NEUROG1: variants seen among roughly 807,000 people sequenced by gnomAD.
NEUROG1 encodes neurogenin 1.
A neutral mutation model predicts 5.7 loss-of-function variants in NEUROG1; 5 were observed. The ratio of observed to expected loss-of-function variants is 0.88; its 90% CI spans 0.46 to 1.85. NEUROG1 has a LOEUF of 1.85. Ranked by LOEUF, NEUROG1 falls within the 40% of genes most tolerant of loss-of-function variation. The probability of loss-of-function intolerance (pLI) is 0.01; values close to 1 mark genes in which losing one functional copy is unlikely to be tolerated. For missense variants in NEUROG1, 403 were observed against 345.7 expected, an observed-to-expected ratio of 1.17 and a Z score of -1.32; for synonymous variants, 196 against 157.4, an observed-to-expected ratio of 1.25 and a Z score of -1.84.
Position 135,534,746 on chromosome 5 carries a change from G to T in NEUROG1, c.*231C>A, listed in dbSNP as rs1750495412. On this transcript the variant is annotated 3_prime_UTR_variant, in exon 1 of 1. Transcript: ENST00000314744. ...GGAGTTCAGAAAGTGCAAAAGGAAA[G>T]GCCGTCTAGGGGCGGGCAGGAGGGG... 9.1e-6 allele frequency: 5 copies of T among 549,502 alleles called. No homozygotes were observed. The highest frequency in any genetic ancestry group is 4.8e-5 in the South Asian group (2 of 41,506). The allele number at this position is 549,502 out of a possible 1,614,324, so 34.0% of individuals were successfully genotyped here.
Position 135,535,660 on chromosome 5 carries a change from C to T in NEUROG1, c.31G>A (p.Asp11Asn), listed in dbSNP as rs1319350880. MPARLETCIS[D>N]LDCASSSGSD... ...CCGCTGCTGCTGGCGCAGTCGAGGT[C>T]GGAGATGCAGGTCTCAAGGCGGGCT... Residue 11 changes from aspartate to asparagine, a missense_variant, in exon 1 of 1, where the codon GAC (aspartate) becomes AAC (asparagine). Coordinates refer to ENST00000314744, the MANE Select transcript of NEUROG1 (RefSeq NM_006161.3). 1 of 1,578,032 alleles carries T rather than the reference C, an allele frequency of 6.3e-7. No homozygotes were observed. The highest frequency in any genetic ancestry group is 1.4e-5 in the African/African-American group (1 of 71,800).
At position 135,534,991 on chromosome 5, in the gene NEUROG1, TG is replaced by T; in HGVS notation, c.699del (p.Phe233LeufsTer18). The stretch of plus-strand genomic sequence containing the variant: ...CTACAAAGGGCCTAGTGGTAAGGAA[TG>T]AAACAGGGCGTTGTGTGGAGCAAGT... ...PKDLLHTTPC[F>X]IPYH On this transcript the variant is annotated frameshift_variant, in exon 1 of 1. Coordinates refer to ENST00000314744, the MANE Select transcript of NEUROG1 (RefSeq NM_006161.3). LOFTEE classifies it high-confidence loss of function. 6.2e-7 allele frequency: 1 copy of T among 1,613,766 alleles called. No individual in the cohort carries two copies. The highest frequency in any genetic ancestry group is 8.5e-7 in the Non-Finnish European group (1 of 1,179,842).
Position 135,535,353 on chromosome 5 carries a change from T to A in NEUROG1, c.338A>T (p.Asp113Val). Reference protein sequence around the residue: ...NRMHNLNAALDALRSVLPSFP... With the variant: ...NRMHNLNAALVALRSVLPSFP... ...CGAGGGCAGCACGCTGCGCAGTGCG[T>A]CCAGGGCCGCGTTCAAGTTGTGCAT... Residue 113 changes from aspartate (D) to valine (V), a missense_variant, in exon 1 of 1, where the codon GAC (aspartate) becomes GTC (valine). Physicochemically the swap from Asp to Val is radical, Grantham distance 152 (BLOSUM62 -3). Coordinates refer to ENST00000314744, the MANE Select transcript of NEUROG1 (RefSeq NM_006161.3). 6.2e-7 allele frequency: 1 copy of A among 1,613,228 alleles called. No individual in the cohort carries two copies. Among genetic ancestry groups the A allele is most frequent in the Non-Finnish European group, 8.5e-7 (1 of 1,179,576 alleles).
In NEUROG1 at chr5:135,535,381, G is replaced by A; in HGVS notation, c.310C>T (p.Arg104Cys). The change falls in exon 1 of 1, where the codon CGC (arginine) becomes TGC (cysteine). Residue 104 changes from arginine (R) to cysteine (C), a missense_variant. Arg to Cys is a radical substitution (Grantham distance 180, BLOSUM62 -3). Coordinates refer to ENST00000314744, the MANE Select transcript of NEUROG1 (RefSeq NM_006161.3). Reference sequence around the variant, plus strand: ...AGGGCCGCGTTCAAGTTGTGCATGCGGTTGCGCTCGCGATCGTTGGCCTTG... The same window carrying A: ...AGGGCCGCGTTCAAGTTGTGCATGCAGTTGCGCTCGCGATCGTTGGCCTTG... ...RVKANDRERN[R>C]MHNLNAALDA... The A allele has an allele frequency of 1.2e-6, 2 of 1,611,684 alleles. No individual in the cohort carries two copies. Among genetic ancestry groups the A allele is most frequent in the Non-Finnish European group, 1.7e-6 (2 of 1,178,936 alleles).
chr5:135,535,609 C>G lies in NEUROG1; in HGVS notation c.82G>C (p.Asp28His). ...SGSDLSGFLT[D>H]EEDCARLQQA... ...TGGAGTCTGGCACAGTCTTCCTCGT[C>G]GGTGAGGAAGCCGGATAGGTCACTG... The change falls in exon 1 of 1, where the codon GAC (aspartate) becomes CAC (histidine). Residue 28 changes from aspartate (D) to histidine (H), a missense_variant. Asp to His is a moderately conservative substitution (Grantham distance 81). Coordinates refer to ENST00000314744, the MANE Select transcript of NEUROG1 (RefSeq NM_006161.3). The G allele has an allele frequency of 6.3e-7, 1 of 1,595,324 alleles. No homozygotes were observed. Among genetic ancestry groups the G allele is most frequent in the East Asian group, 2.3e-5 (1 of 43,948 alleles).
chr5:135,535,163 G>A lies in NEUROG1; in HGVS notation c.528C>T (p.Pro176=). 3.7e-6 allele frequency: 6 copies of A among 1,609,654 alleles called. No homozygotes were observed. Among genetic ancestry groups the A allele is most frequent in the Non-Finnish European group, 4.2e-6 (5 of 1,177,932 alleles). ...PPQCVPCLPG[P]PSPASDAESW... is the part of the protein sequence containing the mutation. Reference sequence around the variant, plus strand: ...ACTCCGCGTCGCTGGCGGGGCTTGGGGGACCGGGCAGGCAGGGGACGCACT... The same window carrying A: ...ACTCCGCGTCGCTGGCGGGGCTTGGAGGACCGGGCAGGCAGGGGACGCACT... Residue 176 remains proline (P), a synonymous_variant, in exon 1 of 1, where the codon CCC becomes CCT. Transcript: ENST00000314744.
In NEUROG1 at chr5:135,534,595, T is replaced by G; in HGVS notation, c.*382A>C. 5.6e-6 allele frequency: 1 copy of G among 179,022 alleles called. No individual in the cohort carries two copies. The highest frequency in any genetic ancestry group is 1.2e-5 in the Non-Finnish European group (1 of 85,766). 11.1% of individuals were successfully genotyped at this position (179,022 alleles called of 1,614,324 possible). A position where few individuals can be genotyped will look rare whatever the true frequency, so the allele number is the denominator to read the frequency against. The stretch of plus-strand genomic sequence containing the variant: ...GAATTTTCATGCTCGTTTTTCTTCA[T>G]TAGAGTTCTACAAATTGTAAAATTG... On this transcript the variant is annotated 3_prime_UTR_variant, in exon 1 of 1. Transcript: ENST00000314744.
Position 135,535,466 on chromosome 5 carries a change from G to T in NEUROG1, c.225C>A (p.Arg75=). 1 of 1,565,410 alleles carries T rather than the reference G, an allele frequency of 6.4e-7. No individual in the cohort carries two copies. The highest frequency in any genetic ancestry group is 8.6e-7 in the Non-Finnish European group (1 of 1,160,748). The part of the protein sequence containing the change: ...QDDEQERRRR[R]GRTRVRSEAL... The stretch of plus-strand genomic sequence containing the variant: ...CCTCGGAGCGGACCCGCGTCCGGCC[G>T]CGGCGCCGCCGCCTCTCCTGCTCGT... The change falls in exon 1 of 1, where the codon CGC becomes CGA. Residue 75 remains arginine (R), a synonymous_variant. Transcript: ENST00000314744.
chr5:135,534,743 A>C lies in NEUROG1; in HGVS notation c.*234T>G, dbSNP rs1403795602. ...TGTGGAGTTCAGAAAGTGCAAAAGGAAAGGCCGTCTAGGGGCGGGCAGGAG... is the reference window on the plus strand; with the variant it reads ...TGTGGAGTTCAGAAAGTGCAAAAGGCAAGGCCGTCTAGGGGCGGGCAGGAG... On this transcript the variant is annotated 3_prime_UTR_variant, in exon 1 of 1. Transcript: ENST00000314744. The C allele has an allele frequency of 1.1e-5, 6 of 546,712 alleles. No homozygotes were observed. Among genetic ancestry groups the C allele is most frequent in the African/African-American group, 2.0e-5 (1 of 50,186 alleles). The allele number at this position is 546,712 out of a possible 1,614,324, so 33.9% of individuals were successfully genotyped here.
rs771543110 is a variant in NEUROG1 at position 135,535,287 on chromosome 5, C to A, written c.404G>T (p.Arg135Leu). The A allele has an allele frequency of 3.1e-6, 5 of 1,613,576 alleles. No individual in the cohort carries two copies. Among genetic ancestry groups the A allele is most frequent in the Non-Finnish European group, 3.4e-6 (4 of 1,179,694 alleles). ...AGCCCAGATGTAGTTGTAGGCGAAG[C>A]GCAGCGTCTCGATTTTGGTGAGCTT... ...DTKLTKIETL[R>L]FAYNYIWALA... The change falls in exon 1 of 1, where the codon CGC (arginine) becomes CTC (leucine). Residue 135 changes from arginine to leucine, a missense_variant. Physicochemically the swap from Arg to Leu is moderately radical, Grantham distance 102. Transcript: ENST00000314744.
chr5:135,535,693 T>C lies in NEUROG1; in HGVS notation c.-3A>G. The stretch of plus-strand genomic sequence containing the variant: ...CAGGTCTCAAGGCGGGCTGGCATCG[T>C]TGCGCTGTGCAGGACCGACGGACAG... On this transcript the variant is annotated 5_prime_UTR_variant, in exon 1 of 1. Coordinates refer to ENST00000314744, the MANE Select transcript of NEUROG1 (RefSeq NM_006161.3). The C allele has an allele frequency of 6.4e-7, 1 of 1,552,722 alleles. No homozygotes were observed. Among genetic ancestry groups the C allele is most frequent in the African/African-American group, 1.4e-5 (1 of 70,980 alleles).
Position 135,535,612 on chromosome 5 carries a change from T to C in NEUROG1, c.79A>G (p.Thr27Ala). 1 of 1,596,016 alleles carries C rather than the reference T, an allele frequency of 6.3e-7. No homozygotes were observed. Among genetic ancestry groups the C allele is most frequent in the Non-Finnish European group, 8.5e-7 (1 of 1,176,610 alleles). Residue 27 changes from threonine to alanine, a missense_variant, in exon 1 of 1, where the codon ACC becomes GCC. Transcript: ENST00000314744. ...SSGSDLSGFLTDEEDCARLQQ... is the reference protein window; with the variant it reads ...SSGSDLSGFLADEEDCARLQQ... ...AGTCTGGCACAGTCTTCCTCGTCGG[T>C]GAGGAAGCCGGATAGGTCACTGCCG...
Position 135,534,999 on chromosome 5 carries a change from G to A in NEUROG1, c.692C>T (p.Pro231Leu). 4 of 1,613,934 alleles carry A rather than the reference G, an allele frequency of 2.5e-6. No individual in the cohort carries two copies. Among genetic ancestry groups the A allele is most frequent in the Non-Finnish European group, 3.4e-6 (4 of 1,179,904 alleles). The change falls in exon 1 of 1, where the codon CCC (proline) becomes CTC (leucine). Residue 231 changes from proline to leucine, a missense_variant. Physicochemically the swap from Pro to Leu is moderately conservative, Grantham distance 98 (BLOSUM62 -3). Coordinates refer to ENST00000314744, the MANE Select transcript of NEUROG1 (RefSeq NM_006161.3). ...SLPKDLLHTT[P>L]CFIPYH ...GGCCTAGTGGTAAGGAATGAAACAG[G>A]GCGTTGTGTGGAGCAAGTCTTTGGG...
chr5:135,535,820 G>A lies in NEUROG1; in HGVS notation c.-130C>T, dbSNP rs981639556. The A allele has an allele frequency of 3.4e-6, 3 of 879,370 alleles. No homozygotes were observed. The highest frequency in any genetic ancestry group is 1.7e-6 in the Non-Finnish European group (1 of 602,538). The allele number at this position is 879,370 out of a possible 1,614,324, so 54.5% of individuals were successfully genotyped here. On this transcript the variant is annotated 5_prime_UTR_variant, in exon 1 of 1. Transcript: ENST00000314744. Reference sequence around the variant, plus strand: ...GGGGTTGTTACTCTGTGCCAGTTGCGGGTGCGAGAGCCTGGAAGGGTGCAG... The same window carrying A: ...GGGGTTGTTACTCTGTGCCAGTTGCAGGTGCGAGAGCCTGGAAGGGTGCAG...
rs1750518260 is a variant in NEUROG1, at chr5:135,535,458, G to A, written c.233C>T (p.Thr78Met). ...EQERRRRRGR[T>M]RVRSEALLHS... is the part of the protein sequence containing the mutation. ...CAGCAGCGCCTCGGAGCGGACCCGCGTCCGGCCGCGGCGCCGCCGCCTCTC... is the reference window on the plus strand; with the variant it reads ...CAGCAGCGCCTCGGAGCGGACCCGCATCCGGCCGCGGCGCCGCCGCCTCTC... Residue 78 changes from threonine to methionine, a missense_variant, in exon 1 of 1, where the codon ACG becomes ATG. Coordinates refer to ENST00000314744, the MANE Select transcript of NEUROG1 (RefSeq NM_006161.3). 2 of 1,567,744 alleles carry A rather than the reference G, an allele frequency of 1.3e-6. No individual in the cohort carries two copies. Among genetic ancestry groups the A allele is most frequent in the Non-Finnish European group, 1.7e-6 (2 of 1,161,282 alleles).
chr5:135,535,065 G>A lies in NEUROG1; in HGVS notation c.626C>T (p.Thr209Ile), dbSNP rs754271727. ...GAAAACAGGGTCGCCGGGGCGGTAG[G>A]TGAAGTCTTCGGAGGCGGCTGGGCT... The part of the protein sequence containing the change: ...PSSPAASEDF[T>I]YRPGDPVFSF... Residue 209 changes from threonine (T) to isoleucine (I), a missense_variant, in exon 1 of 1, where the codon ACC becomes ATC. Thr to Ile is a moderately conservative substitution (Grantham distance 89). Transcript: ENST00000314744. 12 of 1,613,906 alleles carry A rather than the reference G, an allele frequency of 7.4e-6. No individual in the cohort carries two copies. Among genetic ancestry groups the A allele is most frequent in the Admixed American group, 1.7e-5 (1 of 59,998 alleles).
chr5:135,535,349 T>G lies in NEUROG1; in HGVS notation c.342A>C (p.Ala114=). The change falls in exon 1 of 1, where the codon GCA becomes GCC. Residue 114 remains alanine (A), a synonymous_variant. Transcript: ENST00000314744. ...GGAACGAGGGCAGCACGCTGCGCAG[T>G]GCGTCCAGGGCCGCGTTCAAGTTGT... The part of the protein sequence containing the change: ...RMHNLNAALD[A]LRSVLPSFPD... 6.2e-7 allele frequency: 1 copy of G among 1,613,354 alleles called. No individual in the cohort carries two copies.
In NEUROG1 at chr5:135,534,771, G is replaced by T; in HGVS notation, c.*206C>A. The T allele has an allele frequency of 1.7e-6, 1 of 583,860 alleles. No homozygotes were observed. Among genetic ancestry groups the T allele is most frequent in the African/African-American group, 2.0e-5 (1 of 51,048 alleles). The allele number at this position is 583,860 out of a possible 1,614,324, so 36.2% of individuals were successfully genotyped here. On this transcript the variant is annotated 3_prime_UTR_variant, in exon 1 of 1. Transcript: ENST00000314744. ...GGCCGTCTAGGGGCGGGCAGGAGGG[G>T]CGCTGGGCTGAGGGCCGGAGAAACA...
In NEUROG1 at chr5:135,534,506, A is replaced by G. The variant is rs1287174430; in HGVS notation, c.*471T>C. The G allele has an allele frequency of 6.3e-6, 1 of 159,340 alleles. No individual in the cohort carries two copies. Among genetic ancestry groups the G allele is most frequent in the Non-Finnish European group, 1.4e-5 (1 of 72,382 alleles). The allele number at this position is 159,340 out of a possible 1,614,324, so 9.9% of individuals were successfully genotyped here. On this transcript the variant is annotated 3_prime_UTR_variant, in exon 1 of 1. Coordinates refer to ENST00000314744, the MANE Select transcript of NEUROG1 (RefSeq NM_006161.3). ...TGGTGGGGGTCGGGATCCATAATGCATGAAGCCCACTCCTTGTCTCTGCTT... is the reference window on the plus strand; with the variant it reads ...TGGTGGGGGTCGGGATCCATAATGCGTGAAGCCCACTCCTTGTCTCTGCTT...
Sources: gnomAD v4.1 joint callset for allele counts on GRCh38, gnomAD v4.1.1 for gene constraint, MANE v1.5 for transcripts, NCBI Gene and HGNC (gene_info 2026-07-23, HGNC 2026-07-21) for gene names.